SCML2: variants seen among roughly 807,000 people sequenced by gnomAD.
SCML2 encodes the protein Scm polycomb group protein like 2.
A neutral mutation model predicts 48.4 loss-of-function variants in SCML2; 6 were observed. The observed-to-expected ratio is 0.12, with a 90% CI of 0.07 to 0.24. SCML2 has a LOEUF of 0.24. Among genes scored for constraint, SCML2 ranks in the 10% least tolerant of loss-of-function variants. SCML2 has a pLI of 1.00. For missense variants in SCML2, 377 were observed against 528.2 expected, an observed-to-expected ratio of 0.71 and a Z score of 2.81; for synonymous variants, 181 against 189.5, an observed-to-expected ratio of 0.95 and a Z score of 0.37.
At chrX:18,317,845 A>AG (rs1306242726) in intron 6 of SCML2, among the ~76,000 whole-genome samples, 11 of 108,979 alleles carry the variant, frequency 1.0e-4, no homozygotes, top group Non-Finnish European at 2.1e-4. Context: ...AAAAAAAAAA[A>AG]AAAAAAAAGA....
rs1371129846 is a variant in SCML2, at chrX:18,305,762, TA to T, written c.487-548del. 3.4e-3 allele frequency among the ~76,000 whole-genome samples: 335 copies of T among 97,111 alleles called. 1 individual carries two copies. Among genetic ancestry groups the T allele is most frequent in the African/African-American group, 9.4e-3 (252 of 26,770 alleles). 84.3% of individuals were successfully genotyped at this position (97,111 alleles called of 115,157 possible). A position where few individuals can be genotyped will look rare whatever the true frequency, so the allele number is the denominator to read the frequency against. On this transcript the variant is annotated intron_variant, in intron 6 of 14. Transcript: ENST00000251900. The stretch of plus-strand genomic sequence containing the variant: ...TAAAGAAAATGAATAACTTAAAATT[TA>T]AAAAAAAAAAAGAAACTGTAAGTAT...
rs755562109 is a variant in SCML2, at chrX:18,315,911, G to A, written c.486+4421C>T. ...AATAGACTATTTTTTTTTTTTTGGAGAGCCTATTTCTCTGCTGTTATTTTA... is the reference window on the plus strand; with the variant it reads ...AATAGACTATTTTTTTTTTTTTGGAAAGCCTATTTCTCTGCTGTTATTTTA... On this transcript the variant is annotated intron_variant, in intron 6 of 14. Coordinates refer to ENST00000251900, the MANE Select transcript of SCML2 (RefSeq NM_006089.3). Among the ~76,000 whole-genome samples, 117 of 107,524 alleles carry A rather than the reference G, an allele frequency of 1.1e-3. 1 individual carries two copies. Among genetic ancestry groups the A allele is most frequent in the African/African-American group, 3.7e-3 (109 of 29,349 alleles). The allele number at this position is 107,524 out of a possible 115,157, so 93.4% of individuals were successfully genotyped here. A position where few individuals can be genotyped will look rare whatever the true frequency, so the allele number is the denominator to read the frequency against.
At chrX:18,327,767 A>G (rs1202610439) in intron 3 of SCML2, among the ~76,000 whole-genome samples, 1 of 111,385 alleles carries the variant, frequency 9.0e-6, no homozygotes. Context: ...CCCTTTTTCC[A>G]TAAGGCAAAA....
At chrX:18,294,005 C>A (rs1344749775) in intron 7 of SCML2, among the ~76,000 whole-genome samples, 1 of 111,835 alleles carries the variant, frequency 8.9e-6, no homozygotes, top group Non-Finnish European at 1.9e-5. Flanking sequence ...GAAGGATCTA[C>A]CTCAGAAAGA....
Position 18,241,189 on chromosome X carries a change from TTTAAA to T in SCML2, c.*57_*61del, listed in dbSNP as rs1353691760. 51 of 993,466 alleles carry T rather than the reference TTTAAA, an allele frequency of 5.1e-5. No individual in the cohort carries two copies. The African/African-American group carries it at 8.5e-4, about 17-fold the overall frequency. 81.9% of individuals were successfully genotyped at this position (993,466 alleles called of 1,213,427 possible). ...AACAAAAACTGCTAAGAGAAATACT[TTTAAA>T]TTAAAATGTTAACAGTACACCTGAG... On this transcript the variant is annotated 3_prime_UTR_variant, in exon 15 of 15. Transcript: ENST00000251900.
chrX:18,266,198 T>C (rs1161725032), intron 7 of SCML2, among the ~76,000 whole-genome samples: 1 of 111,399 alleles, frequency 9.0e-6, no homozygotes, highest in Non-Finnish European at 1.9e-5. Context: ...TAGAAAAACA[T>C]AGCAAAGCAA....
chrX:18,267,840 C>T (rs1927308934), intron 7 of SCML2, among the ~76,000 whole-genome samples: 1 of 111,302 alleles, frequency 9.0e-6, no homozygotes, highest in Non-Finnish European at 1.9e-5. Flanking sequence ...TCGTGATCCA[C>T]CTGCCTCAGC....
chrX:18,342,555 T>C (rs1475897130), intron 1 of SCML2, among the ~76,000 whole-genome samples: 1 of 110,254 alleles, frequency 9.1e-6, no homozygotes, highest in Non-Finnish European at 1.9e-5. Context: ...CTACCAAAAA[T>C]ACAAAACTTA....
intron 1 of SCML2, among the ~76,000 whole-genome samples, chrX:18,345,386 G>A (rs1247779083): frequency 1.8e-5 from 2 of 111,136 alleles, no homozygotes; most frequent in Non-Finnish European, 3.8e-5. Flanking sequence ...AGAATACTGT[G>A]GTTTTTAAAA....
At chrX:18,329,334 G>A (rs1025867118) in intron 3 of SCML2, among the ~76,000 whole-genome samples, 1 of 111,142 alleles carries the variant, frequency 9.0e-6, no homozygotes, top group Non-Finnish European at 1.9e-5. Context: ...AGGGAGCACT[G>A]AGGGCCCAGC....
chrX:18,263,333 C>T (rs760545774), intron 8 of SCML2, among the ~76,000 whole-genome samples: 1 of 111,553 alleles, frequency 9.0e-6, no homozygotes, highest in African/African-American at 3.3e-5. Context: ...CTCTGCAACA[C>T]TGTATTGTAA....
At chrX:18,328,758 G>A (rs1332087439) in intron 3 of SCML2, among the ~76,000 whole-genome samples, 1 of 111,936 alleles carries the variant, frequency 8.9e-6, no homozygotes, top group Non-Finnish European at 1.9e-5. Flanking sequence ...CATGTGCCAG[G>A]CACTGTCCTA....
chrX:18,244,417 A>C (rs1926370221), intron 13 of SCML2, among the ~76,000 whole-genome samples: 1 of 112,193 alleles, frequency 8.9e-6, no homozygotes, highest in African/African-American at 3.2e-5. Flanking sequence ...ACATGTAACT[A>C]GTTTTACAGT....
chrX:18,342,871 G>A (rs1443861263), intron 1 of SCML2, among the ~76,000 whole-genome samples: 1 of 111,810 alleles, frequency 8.9e-6, no homozygotes, highest in Non-Finnish European at 1.9e-5. Flanking sequence ...CAAATGCTTT[G>A]AAAAGTCTTG....
At chrX:18,298,813 G>A (rs1928483406) in intron 7 of SCML2, among the ~76,000 whole-genome samples, 1 of 108,013 alleles carries the variant, frequency 9.3e-6, no homozygotes, top group Non-Finnish European at 1.9e-5. Flanking sequence ...GAGTGAGACT[G>A]TGTCTCACAA....
intron 7 of SCML2, among the ~76,000 whole-genome samples, chrX:18,268,800 T>G (rs1200573103): frequency 9.0e-6 from 1 of 111,004 alleles, no homozygotes; most frequent in African/African-American, 3.3e-5. Flanking sequence ...TTCTCTCTAG[T>G]TTTCGAAGTC....
intron 3 of SCML2, among the ~76,000 whole-genome samples, chrX:18,325,922 T>C (rs1033313989): frequency 8.9e-6 from 1 of 112,371 alleles, no homozygotes; most frequent in Non-Finnish European, 1.9e-5. Context: ...AAAGATATTA[T>C]ACTTAGATGA....
At chrX:18,273,276 T>A (rs983949750) in intron 7 of SCML2, among the ~76,000 whole-genome samples, 14 of 110,978 alleles carry the variant, frequency 1.3e-4, no homozygotes, top group African/African-American at 4.6e-4. Context: ...AATCATTCAC[T>A]CTCACGTTCT....
At position 18,265,859 on chromosome X, in the gene SCML2, C is replaced by T. The variant is rs765008673; in HGVS notation, c.731-57G>A. On this transcript the variant is annotated intron_variant, in intron 7 of 14. Coordinates refer to ENST00000251900, the MANE Select transcript of SCML2 (RefSeq NM_006089.3). Reference sequence around the variant, plus strand: ...AAATGACACAATTAAGGCATTGTCTCCTCATGACTCAAAATAAGTTTTACT... The same window carrying T: ...AAATGACACAATTAAGGCATTGTCTTCTCATGACTCAAAATAAGTTTTACT... 3.3e-5 allele frequency: 28 copies of T among 861,289 alleles called. No individual in the cohort carries two copies. The African/African-American group carries it at 4.2e-4, about 13-fold the overall frequency. The allele number at this position is 861,289 out of a possible 1,213,427, so 71.0% of individuals were successfully genotyped here.
Sources: gnomAD v4.1 joint callset for allele counts (sites outside exome capture counted in the v4.1 genomes callset) on GRCh38, gnomAD v4.1.1 for gene constraint, MANE v1.5 for transcripts, NCBI Gene and HGNC (gene_info 2026-07-23, HGNC 2026-07-21) for gene names.